Variants in ERICH1 observed in about 807,000 individuals in gnomAD.
ERICH1 encodes glutamate rich 1, also known as glutamate-rich protein 1.
A neutral mutation model predicts 39.6 loss-of-function variants in ERICH1; 56 were observed. The ratio of observed to expected loss-of-function variants is 1.41; its 90% confidence interval spans 1.14 to 1.77. The LOEUF (loss-of-function observed/expected upper bound fraction) is 1.77, where lower values mean the gene tolerates loss of function less well. Ranked by LOEUF, ERICH1 falls within the 40% of genes most tolerant of loss-of-function variation. The pLI, the probability that ERICH1 is intolerant of heterozygous loss-of-function variation, is 0.00. For missense variants in ERICH1, 826 were observed against 575.4 expected (o/e 1.44, Z -4.45); for synonymous variants, 313 against 223.6 (o/e 1.40, Z -3.57).
chr8:616,186 G>C (rs1796890227), intron 3 of ERICH1: 1 of 214,352 alleles, frequency 4.7e-6, no homozygotes, highest in Non-Finnish European at 9.5e-6. Context: ...ACACCTTAAA[G>C]AAATTCCGTA....
At chr8:707,482 C>T (rs1302765782) in intron 2 of ERICH1, among the ~76,000 whole-genome samples, 9 of 152,194 alleles carry the variant, frequency 5.9e-5, no homozygotes, top group African/African-American at 9.7e-5. Context: ...GCTGGGACTA[C>T]AGGTGTGAGC....
In ERICH1 at chr8:645,675, T is replaced by G. The variant is rs1563184021; in HGVS notation, c.976+22923A>C. On this transcript the variant is annotated intron_variant, in intron 3 of 3. Transcript: ENST00000522706. ...GAGGCTTGGGAGTTGGCAGAATTTG[T>G]ATTTCTGTAATTTTGCTTTGCTGCC... 2.9e-5 allele frequency among the ~76,000 whole-genome samples: 2 copies of G among 68,478 alleles called. 1 individual carries two copies. The highest frequency in any genetic ancestry group is 9.1e-5 in the Non-Finnish European group (2 of 21,896). The allele number at this position is 68,478 out of a possible 152,430, so 44.9% of individuals were successfully genotyped here.
At chr8:694,862 G>A (rs1809772233) in intron 2 of ERICH1, among the ~76,000 whole-genome samples, 3 of 152,226 alleles carry the variant, frequency 2.0e-5, no homozygotes, top group Non-Finnish European at 2.9e-5. Flanking sequence ...AGAGTTCCCC[G>A]TCCCATCATC....
intron 3 of ERICH1, among the ~76,000 whole-genome samples, chr8:650,065 T>G (rs1469709571): frequency 2.0e-5 from 3 of 152,220 alleles, no homozygotes; most frequent in Non-Finnish European, 4.4e-5. Context: ...TGCTCTCGGC[T>G]TTCGTGCCGG....
chr8:678,795 G>A (rs577299815), intron 3 of ERICH1, among the ~76,000 whole-genome samples: 24 of 152,188 alleles, frequency 1.6e-4, no homozygotes, highest in Admixed American at 6.5e-5. Context: ...GTGACAGCGC[G>A]AGACTCCATC....
chr8:726,819 C>T (rs1031319113), intron 1 of ERICH1, among the ~76,000 whole-genome samples: 3 of 151,850 alleles, frequency 2.0e-5, no homozygotes, highest in Admixed American at 1.3e-4. Flanking sequence ...ACACACCACA[C>T]ATGCACAGAC....
chr8:715,498 C>T (rs779344444), intron 2 of ERICH1, among the ~76,000 whole-genome samples: 4 of 152,224 alleles, frequency 2.6e-5, no homozygotes, highest in Non-Finnish European at 4.4e-5. Flanking sequence ...CACAAGCCAA[C>T]GGGGCCAAGG....
At chr8:621,178 G>A (rs1797257650) in intron 3 of ERICH1, among the ~76,000 whole-genome samples, 1 of 76,872 alleles carries the variant, frequency 1.3e-5, no homozygotes, top group African/African-American at 9.6e-5. Flanking sequence ...ACTAATGGAT[G>A]AAAGAAGAAA....
intron 3 of ERICH1, among the ~76,000 whole-genome samples, chr8:634,410 A>G (rs1563171647): frequency 6.6e-6 from 1 of 152,188 alleles, no homozygotes; most frequent in Non-Finnish European, 1.5e-5. Context: ...CTACCATGGA[A>G]GCTCCTCAAA....
At chr8:615,467 G>T (rs1796857234) in intron 3 of ERICH1, 3 of 476,110 alleles carry the variant, frequency 6.3e-6, no homozygotes, top group Non-Finnish European at 1.1e-5. Flanking sequence ...TGCCTGGGGT[G>T]GCTGTCATCT....
chr8:731,158 C>T lies in ERICH1; in HGVS notation c.4G>A (p.Ala2Thr). 6.6e-7 allele frequency: 1 copy of T among 1,511,980 alleles called. No homozygotes were observed. Among genetic ancestry groups the T allele is most frequent in the Non-Finnish European group, 8.8e-7 (1 of 1,132,290 alleles). The allele number at this position is 1,511,980 out of a possible 1,614,324, so 93.7% of individuals were successfully genotyped here. Reference sequence around the variant, plus strand: ...CACCTACCGTGCTTCCTGTGCGCCGCCATGCGGGACCCTGCCGCGGACCTC... The same window carrying T: ...CACCTACCGTGCTTCCTGTGCGCCGTCATGCGGGACCCTGCCGCGGACCTC... MAAHRKHVFVEK... is the reference protein window; with the variant it reads MTAHRKHVFVEK... Residue 2 changes from alanine to threonine, a missense_variant, in exon 1 of 6, where the codon GCG becomes ACG. By Grantham distance (58) the Ala-to-Thr change is moderately conservative. Coordinates refer to ENST00000262109, the MANE Select transcript of ERICH1 (RefSeq NM_207332.3).
At chr8:688,675 G>C (rs538796510) in intron 3 of ERICH1, among the ~76,000 whole-genome samples, 1 of 152,220 alleles carries the variant, frequency 6.6e-6, no homozygotes, top group African/African-American at 2.4e-5. Flanking sequence ...AGAAGAATGA[G>C]TTAAGCAGCA....
chr8:674,198 A>C (rs1391089955), intron 3 of ERICH1, 151 bp from the exon 4 acceptor site: 14 of 881,946 alleles, frequency 1.6e-5, no homozygotes, highest in Non-Finnish European at 1.7e-6. Context: ...TTACCATCAA[A>C]GATCCTAGGA....
At chr8:726,529 T>C (rs1399219571) in intron 1 of ERICH1, among the ~76,000 whole-genome samples, 1 of 148,886 alleles carries the variant, frequency 6.7e-6, no homozygotes, top group Non-Finnish European at 1.5e-5. Context: ...CAGACACTCA[T>C]GTACACACAC....
At chr8:623,823 C>A (rs1361394684) in intron 3 of ERICH1, among the ~76,000 whole-genome samples, 1 of 152,146 alleles carries the variant, frequency 6.6e-6, no homozygotes, top group Non-Finnish European at 1.5e-5. Flanking sequence ...AGGTATAAGT[C>A]TTCATGACCT....
intron 2 of ERICH1, among the ~76,000 whole-genome samples, chr8:700,768 C>A (rs1482450089): frequency 6.6e-6 from 1 of 152,248 alleles, no homozygotes; most frequent in Non-Finnish European, 1.5e-5. Context: ...GGTTTGCTGT[C>A]TTTCACAGAC....
chr8:690,758 A>C (rs1271992722), intron 3 of ERICH1: 1 of 152,604 alleles, frequency 6.6e-6, no homozygotes, highest in Non-Finnish European at 1.5e-5. Flanking sequence ...AGGCAAAAAC[A>C]AACAGCACTT....
intron 4 of ERICH1, among the ~76,000 whole-genome samples, chr8:672,589 A>G (rs1207369030): frequency 2.0e-5 from 3 of 152,138 alleles, no homozygotes; most frequent in Non-Finnish European, 4.4e-5. Context: ...ACAAAAATTA[A>G]ACAGTATTAA....
At chr8:711,831 G>A (rs1027060037) in intron 2 of ERICH1, among the ~76,000 whole-genome samples, 2 of 152,136 alleles carry the variant, frequency 1.3e-5, no homozygotes, top group Non-Finnish European at 2.9e-5. Context: ...TTTGTGAAAG[G>A]TTTAAGGTCT....
Sources: allele counts gnomAD v4.1 joint callset (sites outside exome capture counted in the v4.1 genomes callset), GRCh38; gene constraint gnomAD v4.1.1; transcripts MANE v1.5; gene names NCBI Gene and HGNC (gene_info 2026-07-23, HGNC 2026-07-21).